The following ROBO2 variants were observed in gnomAD, a reference collection of about 807,000 sequenced individuals.
ROBO2 encodes roundabout homolog 2.
ROBO2 carries 53 observed loss-of-function variants against 160.8 expected under a neutral mutation model. The observed-to-expected ratio is 0.33, with a 90% CI of 0.26 to 0.41. The LOEUF (loss-of-function observed/expected upper bound fraction) is 0.41. Ranked by LOEUF, ROBO2 falls within the 10% of genes least tolerant of loss-of-function variation. ROBO2 has a pLI of 1.00. For synonymous variants in ROBO2, 664 were observed against 611.7 expected (o/e 1.09, Z -1.26); for missense variants, 1,577 against 1,722.4 (o/e 0.92, Z 1.49).
At chr3:77,351,848 C>CA (rs1254186952) in intron 2 of ROBO2, among the ~76,000 whole-genome samples, 3 of 148,814 alleles carry the variant, frequency 2.0e-5, no homozygotes, top group Non-Finnish European at 4.5e-5. Flanking sequence ...TGCGATAGGA[C>CA]AAAAAACCAA....
At chr3:76,287,327 G>A (rs1708554260) in intron 2 of ROBO2, among the ~76,000 whole-genome samples, 1 of 145,434 alleles carries the variant, frequency 6.9e-6, no homozygotes, top group African/African-American at 2.6e-5. Context: ...ACAGAGTCTC[G>A]CTCTGTCACC....
chr3:76,436,321 T>G (rs946376694), intron 2 of ROBO2, among the ~76,000 whole-genome samples: 1 of 152,084 alleles, frequency 6.6e-6, no homozygotes, highest in African/African-American at 2.4e-5. Context: ...TTTCAAGGAG[T>G]CTGGCATTCC....
intron 1 of ROBO2, among the ~76,000 whole-genome samples, chr3:77,045,793 A>C (rs1212532624): frequency 2.0e-5 from 3 of 152,248 alleles, no homozygotes; most frequent in Non-Finnish European, 2.9e-5. Context: ...CAACCACAAG[A>C]AATCACCACT....
intron 2 of ROBO2, among the ~76,000 whole-genome samples, chr3:77,442,876 T>G (rs2080096401): frequency 6.6e-6 from 1 of 152,202 alleles, no homozygotes; most frequent in Admixed American, 6.5e-5. Context: ...CAGATATTAG[T>G]AATAATAAAC....
intron 2 of ROBO2, among the ~76,000 whole-genome samples, chr3:77,148,889 CCTCT>C (rs1382432399): frequency 1.3e-5 from 2 of 152,056 alleles, no homozygotes; most frequent in African/African-American, 4.8e-5. Context: ...GAATCCACTC[CCTCT>C]GAGATTTTTA....
At chr3:77,056,029 A>T (rs565340703) in intron 1 of ROBO2, among the ~76,000 whole-genome samples, 1 of 152,254 alleles carries the variant, frequency 6.6e-6, no homozygotes, top group Non-Finnish European at 1.5e-5. Context: ...GTAGGTATTT[A>T]TCTCACACAA....
intron 2 of ROBO2, among the ~76,000 whole-genome samples, chr3:76,106,028 T>C (rs2069913049): frequency 6.6e-6 from 1 of 152,112 alleles, no homozygotes; most frequent in Non-Finnish European, 1.5e-5. Context: ...AGGTTAGAGG[T>C]TCAATATTCT....
intron 2 of ROBO2, among the ~76,000 whole-genome samples, chr3:77,211,922 C>T (rs2084227643): frequency 6.6e-6 from 1 of 152,100 alleles, no homozygotes; most frequent in African/African-American, 2.4e-5. Flanking sequence ...CTGTTCTGTT[C>T]CATTGGTCTA....
At chr3:76,860,584 G>T (rs1182658986) in intron 2 of ROBO2, among the ~76,000 whole-genome samples, 1 of 151,916 alleles carries the variant, frequency 6.6e-6, no homozygotes, top group African/African-American at 2.4e-5. Context: ...AAAATGTAAG[G>T]ACATTTACCA....
intron 2 of ROBO2, among the ~76,000 whole-genome samples, chr3:77,297,938 G>C (rs1201128057): frequency 6.6e-6 from 1 of 152,162 alleles, no homozygotes; most frequent in Non-Finnish European, 1.5e-5. Flanking sequence ...AGTAGAAAGA[G>C]TCGTTGGACA....
rs190671026 is a variant in ROBO2 at position 76,425,939 on chromosome 3, C to T, written c.109+488337C>T. On this transcript the variant is annotated intron_variant, in intron 2 of 26. Coordinates refer to the ROBO2 transcript ENST00000487694. ...TTTTTAGTCACAGTTTCCCAGTTAG[C>T]ATCAATTATTTGGGAAAAATTAAAA... Among the ~76,000 whole-genome samples, 135 of 152,266 alleles carry T rather than the reference C, an allele frequency of 8.9e-4. 1 individual carries two copies. The highest frequency in any genetic ancestry group is 1.3e-3 in the Non-Finnish European group (91 of 68,008).
chr3:77,051,152 C>G (rs1370432302), intron 1 of ROBO2, among the ~76,000 whole-genome samples: 2 of 152,138 alleles, frequency 1.3e-5, no homozygotes, highest in African/African-American at 4.8e-5. Flanking sequence ...CACTGGCTAT[C>G]ATGAAACATG....
At chr3:75,909,566 G>A (rs1354889240) in intron 1 of ROBO2, among the ~76,000 whole-genome samples, 3 of 152,146 alleles carry the variant, frequency 2.0e-5, no homozygotes, top group East Asian at 3.9e-4. Context: ...TAGTTTTATG[G>A]CTCTTGCCCA....
intron 2 of ROBO2, chr3:76,433,906 T>G: frequency 1.6e-6 from 1 of 607,936 alleles, no homozygotes; most frequent in Non-Finnish European, 3.0e-6. Flanking sequence ...GTTTTTCTCA[T>G]GACCATTTGT....
intron 2 of ROBO2, among the ~76,000 whole-genome samples, chr3:76,321,847 G>A (rs574595808): frequency 3.9e-5 from 6 of 152,182 alleles, no homozygotes; most frequent in Middle Eastern, 3.4e-3. Context: ...TTCTGTGTGC[G>A]TTACCTGGGT....
At chr3:76,098,555 T>G (rs1314895856) in intron 2 of ROBO2, among the ~76,000 whole-genome samples, 1 of 101,950 alleles carries the variant, frequency 9.8e-6, no homozygotes, top group Non-Finnish European at 2.2e-5. Flanking sequence ...TGATAAAAGA[T>G]AAATCAAATA....
intron 2 of ROBO2, among the ~76,000 whole-genome samples, chr3:77,327,669 A>C (rs967537564): frequency 2.6e-5 from 4 of 152,154 alleles, no homozygotes; most frequent in African/African-American, 9.7e-5. Flanking sequence ...AGTGGTACAG[A>C]TCTCATGTTC....
chr3:76,199,530 C>T (rs1702420285), intron 2 of ROBO2, among the ~76,000 whole-genome samples: 1 of 152,118 alleles, frequency 6.6e-6, no homozygotes, highest in African/African-American at 2.4e-5. Context: ...CCGTATTGTT[C>T]AAGCTGTTGA....
At chr3:76,480,401 G>A (rs904819222) in intron 2 of ROBO2, among the ~76,000 whole-genome samples, 2 of 152,096 alleles carry the variant, frequency 1.3e-5, no homozygotes, top group Non-Finnish European at 2.9e-5. Context: ...TTCTCATATA[G>A]ACGTCTAAGG....
Sources: gnomAD v4.1 joint callset for allele counts (sites outside exome capture counted in the v4.1 genomes callset) on GRCh38, gnomAD v4.1.1 for gene constraint, MANE v1.5 for transcripts, NCBI Gene and HGNC (gene_info 2026-07-23, HGNC 2026-07-21) for gene names.